MACROD2: variants seen among roughly 807,000 people sequenced by gnomAD.
MACROD2 encodes the protein mono-ADP ribosylhydrolase 2, also known as ADP-ribose glycohydrolase MACROD2.
MACROD2 carries 36 observed loss-of-function variants against 70.4 expected under a neutral mutation model. The ratio of observed to expected loss-of-function variants is 0.51; its 90% CI spans 0.39 to 0.68. The LOEUF (loss-of-function observed/expected upper bound fraction) is 0.68. MACROD2 is among the 30% of genes least tolerant of loss of function. The pLI is 0.00. For missense variants in MACROD2, 496 were observed against 538.4 expected, an observed-to-expected ratio of 0.92 and a Z score of 0.78; for synonymous variants, 172 against 178.8, an observed-to-expected ratio of 0.96 and a Z score of 0.30.
At chr20:14,793,977 A>G (rs1366849024) in intron 5 of MACROD2, among the ~76,000 whole-genome samples, 1 of 152,072 alleles carries the variant, frequency 6.6e-6, no homozygotes, top group Non-Finnish European at 1.5e-5. Context: ...CTATGGCAGA[A>G]TCTAACAGGG....
intron 8 of MACROD2, among the ~76,000 whole-genome samples, chr20:15,673,519 T>C (rs538780662): frequency 8.1e-4 from 123 of 152,250 alleles, no homozygotes; most frequent in African/African-American, 2.8e-3. Context: ...AGCCCAAGAA[T>C]CTCTATTAAA....
chr20:14,241,155 C>T (rs891837377), intron 3 of MACROD2, among the ~76,000 whole-genome samples: 4 of 152,016 alleles, frequency 2.6e-5, no homozygotes, highest in African/African-American at 7.2e-5. Context: ...CAAAAGAACA[C>T]GAAGAAGTAT....
intron 6 of MACROD2, among the ~76,000 whole-genome samples, chr20:15,323,938 C>G (rs1418285141): frequency 6.6e-6 from 1 of 151,976 alleles, no homozygotes; most frequent in Non-Finnish European, 1.5e-5. Flanking sequence ...ATCCCCTTGA[C>G]TTTATTTTAA....
chr20:15,718,061 C>T (rs1340722605), intron 8 of MACROD2, among the ~76,000 whole-genome samples: 13 of 150,350 alleles, frequency 8.6e-5, no homozygotes, highest in African/African-American at 3.0e-4. Flanking sequence ...CACTCTGTCG[C>T]CCAGGCTGGA....
At chr20:14,037,546 A>G (rs1013592838) in intron 2 of MACROD2, among the ~76,000 whole-genome samples, 1 of 152,196 alleles carries the variant, frequency 6.6e-6, no homozygotes, top group Non-Finnish European at 1.5e-5. Context: ...ATTGAAGACT[A>G]TGCATTTACC....
At chr20:15,724,194 T>G (rs1329366052) in intron 8 of MACROD2, among the ~76,000 whole-genome samples, 1 of 152,228 alleles carries the variant, frequency 6.6e-6, no homozygotes, top group Non-Finnish European at 1.5e-5. Context: ...ATGTGTCTTT[T>G]GCAAATATAT....
At chr20:14,097,028 C>G (rs1251985255) in intron 3 of MACROD2, among the ~76,000 whole-genome samples, 1 of 152,194 alleles carries the variant, frequency 6.6e-6, no homozygotes, top group East Asian at 1.9e-4. Context: ...TTTTCTCTGT[C>G]TTCCCTGCAG....
chr20:15,832,304 G>A (rs2064065233), intron 8 of MACROD2, among the ~76,000 whole-genome samples: 1 of 152,140 alleles, frequency 6.6e-6, no homozygotes, highest in Admixed American at 6.5e-5. Context: ...TCCTCTTTGG[G>A]GATACTGTGA....
At chr20:15,306,454 T>C (rs956088380) in intron 6 of MACROD2, among the ~76,000 whole-genome samples, 2 of 152,194 alleles carry the variant, frequency 1.3e-5, no homozygotes, top group East Asian at 1.9e-4. Flanking sequence ...TACTATACTA[T>C]TATGTCAATT....
At chr20:14,274,422 A>G (rs1476273820) in intron 3 of MACROD2, among the ~76,000 whole-genome samples, 1 of 152,198 alleles carries the variant, frequency 6.6e-6, no homozygotes, top group African/African-American at 2.4e-5. Flanking sequence ...AGATGCAGAA[A>G]AGGCCTTTGA....
chr20:14,276,511 A>C (rs1045968849), intron 3 of MACROD2, among the ~76,000 whole-genome samples: 2 of 147,382 alleles, frequency 1.4e-5, no homozygotes, highest in Non-Finnish European at 3.0e-5. Flanking sequence ...TAGCATTAGG[A>C]GATATACCTA....
chr20:15,893,973 T>C (rs957099507), intron 10 of MACROD2: 2 of 456,052 alleles, frequency 4.4e-6, no homozygotes, highest in Admixed American at 4.7e-5. Flanking sequence ...AGTCCTGCAC[T>C]GGGCAGGAAT....
intron 3 of MACROD2, among the ~76,000 whole-genome samples, chr20:14,254,269 CTA>C (rs1181395076): frequency 6.6e-6 from 1 of 151,810 alleles, no homozygotes; most frequent in Non-Finnish European, 1.5e-5. Flanking sequence ...TATTTGGAAA[CTA>C]TTTTTTCAAT....
At chr20:15,062,992 C>T (rs139886736) in intron 5 of MACROD2, among the ~76,000 whole-genome samples, 8 of 152,338 alleles carry the variant, frequency 5.3e-5, no homozygotes, top group Non-Finnish European at 8.8e-5. Context: ...AATATGACTG[C>T]AGACTGCTCA....
chr20:14,566,569 G>A (rs548097890), intron 4 of MACROD2: 1 of 151,938 alleles, frequency 6.6e-6, no homozygotes, highest in Admixed American at 6.6e-5. Context: ...CCGTAAGATG[G>A]GTCAGATTCC....
chr20:14,766,424 G>A (rs16994926), intron 5 of MACROD2, among the ~76,000 whole-genome samples: 3,340 of 152,176 alleles, frequency 0.022, 144 homozygotes, highest in African/African-American at 0.076. Flanking sequence ...TGAACACTTG[G>A]TGGTAAAAGG....
chr20:15,631,884 T>A (rs1244844235), intron 8 of MACROD2, among the ~76,000 whole-genome samples: 3 of 152,186 alleles, frequency 2.0e-5, no homozygotes, highest in Non-Finnish European at 4.4e-5. Context: ...ACGCCTGTAA[T>A]CCCAGCACTT....
intron 9 of MACROD2, among the ~76,000 whole-genome samples, chr20:15,878,652 C>A (rs1347400652): frequency 6.6e-6 from 1 of 152,094 alleles, no homozygotes; most frequent in Non-Finnish European, 1.5e-5. Flanking sequence ...TAGCATACTT[C>A]CTTTTCCAAA....
chr20:15,871,289 T>A (rs6034313), intron 9 of MACROD2, among the ~76,000 whole-genome samples: 135,996 of 152,022 alleles, frequency 0.89, 62,022 homozygotes, highest in South Asian at 0.99. Flanking sequence ...AGTATTTAAA[T>A]TTTTTCCTGG....
Sources: allele counts gnomAD v4.1 joint callset (sites outside exome capture counted in the v4.1 genomes callset), GRCh38; gene constraint gnomAD v4.1.1; transcripts MANE v1.5; gene names NCBI Gene and HGNC (gene_info 2026-07-23, HGNC 2026-07-21).